Variants in CACNG2 observed in about 807,000 individuals in gnomAD.
The protein encoded by CACNG2 is voltage-dependent calcium channel gamma-2 subunit.
Under a neutral mutation model 25.9 loss-of-function variants are expected in CACNG2, and 3 were observed. The observed-to-expected ratio is 0.12, with a 90% CI of 0.05 to 0.30. The LOEUF (loss-of-function observed/expected upper bound fraction) is 0.30, where lower values mean the gene tolerates loss of function less well. CACNG2 is among the 10% of genes least tolerant of loss of function. CACNG2 has a pLI of 1.00. For missense variants in CACNG2, 341 were observed against 432.5 expected, an observed-to-expected ratio of 0.79 and a Z score of 1.88; for synonymous variants, 167 against 173.3, an observed-to-expected ratio of 0.96 and a Z score of 0.29.
intron 2 of CACNG2, among the ~76,000 whole-genome samples, chr22:36,568,515 C>T (rs1464536947): frequency 6.6e-6 from 1 of 151,980 alleles, no homozygotes; most frequent in East Asian, 1.9e-4. Context: ...AGCGATTCTC[C>T]TGCCTCAGCC....
In CACNG2 at chr22:36,702,163, G is replaced by A. The variant is rs115398713; in HGVS notation, c.211+203C>T. Reference sequence around the variant, plus strand: ...ATGTTTGAGGGGATGAGGGGGTGGCGGAGGCGAGGGAGTAGAGTATGGGTT... The same window carrying A: ...ATGTTTGAGGGGATGAGGGGGTGGCAGAGGCGAGGGAGTAGAGTATGGGTT... On this transcript the variant is annotated intron_variant, in intron 1 of 3. Transcript: ENST00000300105. Among the ~76,000 whole-genome samples the A allele has an allele frequency of 1.4e-3, 210 of 152,092 alleles. 1 individual carries two copies. Among genetic ancestry groups the A allele is most frequent in the African/African-American group, 4.9e-3 (203 of 41,478 alleles).
chr22:36,697,534 G>A (rs1431640178), intron 1 of CACNG2, among the ~76,000 whole-genome samples: 1 of 152,234 alleles, frequency 6.6e-6, no homozygotes, highest in African/African-American at 2.4e-5. Context: ...TGTGACTTTG[G>A]TGTGTTGTTC....
rs369682651 is a variant in CACNG2 at position 36,598,788 on chromosome 22, G to T, written c.212-11240C>A. Among the ~76,000 whole-genome samples the T allele has an allele frequency of 1.1e-4, 17 of 152,106 alleles. No homozygotes were observed. In the East Asian group the frequency reaches 3.1e-3, roughly 28 times the overall value. On this transcript the variant is annotated intron_variant, in intron 1 of 3. Transcript: ENST00000300105. Reference sequence around the variant, plus strand: ...GAGATCAGGAGTTCTAGACCAGCCTGGCCAACATGGTGAAACCCTGTCTGT... The same window carrying T: ...GAGATCAGGAGTTCTAGACCAGCCTTGCCAACATGGTGAAACCCTGTCTGT...
At chr22:36,665,757 G>A (rs1936866669) in intron 1 of CACNG2, among the ~76,000 whole-genome samples, 1 of 152,200 alleles carries the variant, frequency 6.6e-6, no homozygotes, top group African/African-American at 2.4e-5. Flanking sequence ...ACAAGTGTTG[G>A]TGAGAATGTG....
chr22:36,581,774 C>T (rs530698261), intron 2 of CACNG2, among the ~76,000 whole-genome samples: 2 of 152,316 alleles, frequency 1.3e-5, no homozygotes, highest in Non-Finnish European at 2.9e-5. Context: ...TTAAATATCA[C>T]CTACGTGCCA....
chr22:36,672,727 A>G (rs1010106860), intron 1 of CACNG2, among the ~76,000 whole-genome samples: 1 of 152,200 alleles, frequency 6.6e-6, no homozygotes, highest in South Asian at 2.1e-4. Context: ...ACCACTGGAC[A>G]TGATTCAACT....
At position 36,666,524 on chromosome 22, in the gene CACNG2, G is replaced by C. The variant is rs545649002; in HGVS notation, c.211+35842C>G. On this transcript the variant is annotated intron_variant, in intron 1 of 3. Transcript: ENST00000300105. ...ATGGTTGCCAGGGGTTGAGGGGCAGGGGGGAATGAGGAGTCATTGTTTGCT... is the reference window on the plus strand; with the variant it reads ...ATGGTTGCCAGGGGTTGAGGGGCAGCGGGGAATGAGGAGTCATTGTTTGCT... Among the ~76,000 whole-genome samples, 8 of 152,208 alleles carry C rather than the reference G, an allele frequency of 5.3e-5. No homozygotes were observed. The South Asian group carries it at 8.3e-4, about 16-fold the overall frequency.
intron 1 of CACNG2, among the ~76,000 whole-genome samples, chr22:36,599,909 T>G (rs1433506833): frequency 6.6e-6 from 1 of 152,214 alleles, no homozygotes; most frequent in Non-Finnish European, 1.5e-5. Context: ...TCCCAGAACG[T>G]AGGCTTTAGT....
intron 1 of CACNG2, among the ~76,000 whole-genome samples, chr22:36,681,845 A>G (rs1296792852): frequency 1.3e-5 from 2 of 152,202 alleles, no homozygotes; most frequent in African/African-American, 4.8e-5. Flanking sequence ...AGTAGATCCC[A>G]GAGGATCCAG....
chr22:36,594,436 A>T (rs1935641850), intron 1 of CACNG2, among the ~76,000 whole-genome samples: 1 of 152,226 alleles, frequency 6.6e-6, no homozygotes, highest in Non-Finnish European at 1.5e-5. Flanking sequence ...AGAGGGGGAA[A>T]AATATACTTT....
At chr22:36,654,276 C>T (rs1444279095) in intron 1 of CACNG2, among the ~76,000 whole-genome samples, 1 of 151,724 alleles carries the variant, frequency 6.6e-6, no homozygotes, top group Non-Finnish European at 1.5e-5. Flanking sequence ...GTTGTGTGTG[C>T]GTGTGTTTCA....
At chr22:36,679,298 G>A (rs1937065156) in intron 1 of CACNG2, among the ~76,000 whole-genome samples, 2 of 151,592 alleles carry the variant, frequency 1.3e-5, no homozygotes, top group Non-Finnish European at 2.9e-5. Flanking sequence ...TGGTAGGGCT[G>A]TCAGTCAGGG....
intron 2 of CACNG2, among the ~76,000 whole-genome samples, chr22:36,580,269 C>A (rs539171490): frequency 6.6e-6 from 1 of 152,096 alleles, no homozygotes; most frequent in African/African-American, 2.4e-5. Context: ...ACCCCCCAGA[C>A]GGCCATCGTA....
chr22:36,669,703 TTCTCTCTCTG>T (rs915742751), intron 1 of CACNG2, among the ~76,000 whole-genome samples: 4 of 151,884 alleles, frequency 2.6e-5, no homozygotes, highest in African/African-American at 4.8e-5. Flanking sequence ...TAAAATTTCA[TTCTCTCTCTG>T]TCTCTCTCTT....
chr22:36,661,489 G>A (rs1936794229), intron 1 of CACNG2, among the ~76,000 whole-genome samples: 1 of 152,118 alleles, frequency 6.6e-6, no homozygotes, highest in African/African-American at 2.4e-5. Flanking sequence ...GAACCGTGTG[G>A]GGCCTAGGGT....
intron 1 of CACNG2, among the ~76,000 whole-genome samples, chr22:36,611,864 C>T (rs575544192): frequency 6.6e-6 from 1 of 152,166 alleles, no homozygotes; most frequent in Admixed American, 6.5e-5. Flanking sequence ...GGAGTAGAGA[C>T]CTGGGACCAT....
At chr22:36,686,539 C>G (rs1279675658) in intron 1 of CACNG2, among the ~76,000 whole-genome samples, 1 of 152,204 alleles carries the variant, frequency 6.6e-6, no homozygotes, top group Non-Finnish European at 1.5e-5. Context: ...CCTCCCAGAG[C>G]TGGGGATTCT....
chr22:36,691,059 G>A (rs543549226), intron 1 of CACNG2, among the ~76,000 whole-genome samples: 8 of 152,188 alleles, frequency 5.3e-5, no homozygotes, highest in South Asian at 4.2e-4. Flanking sequence ...CCTCTTCCTA[G>A]GACAGCACCT....
chr22:36,570,893 A>G (rs1935214737), intron 2 of CACNG2, among the ~76,000 whole-genome samples: 1 of 151,948 alleles, frequency 6.6e-6, no homozygotes, highest in Admixed American at 6.6e-5. Flanking sequence ...GGACTTCTAC[A>G]TTGGAGACGT....
Sources: gnomAD v4.1 joint callset for allele counts (sites outside exome capture counted in the v4.1 genomes callset) on GRCh38, gnomAD v4.1.1 for gene constraint, MANE v1.5 for transcripts, NCBI Gene and HGNC (gene_info 2026-07-23, HGNC 2026-07-21) for gene names.